BRIP1: variants seen among roughly 807,000 people sequenced by gnomAD.
BRIP1 encodes the protein BRCA1 interacting DNA helicase 1.
A neutral mutation model predicts 119.7 loss-of-function variants in BRIP1; 88 were observed. The ratio of observed to expected loss-of-function variants is 0.74; its 90% CI spans 0.62 to 0.88. The LOEUF is 0.88. Among genes scored for constraint, BRIP1 ranks in the 40% least tolerant of loss-of-function variants. The pLI, the probability that BRIP1 is intolerant of heterozygous loss-of-function variation, is 0.00. For missense variants in BRIP1, 1,259 were observed against 1,455.4 expected (o/e 0.87, Z 2.20); for synonymous variants, 443 against 496.5 (o/e 0.89, Z 1.43).
Position 61,810,726 on chromosome 17 carries a change from C to G in BRIP1, c.628-1969G>C, listed in dbSNP as rs188614149. Among the ~76,000 whole-genome samples, 433 of 152,222 alleles carry G rather than the reference C, an allele frequency of 2.8e-3. 6 individuals are homozygous for G. Among genetic ancestry groups the G allele is most frequent in the Non-Finnish European group, 1.8e-3 (125 of 67,976 alleles). On this transcript the variant is annotated intron_variant, in intron 6 of 19. Coordinates refer to ENST00000259008, the MANE Select transcript of BRIP1 (RefSeq NM_032043.3). The surrounding 1 kb of genome is among the most constrained non-coding windows in gnomAD (Gnocchi z 4.7). ...TACTCCCTTTAATTTCACCTTTTCT[C>G]TTGGTCAAAAAAATTCAAACAATAA...
rs936199548 is a variant in BRIP1 at position 61,758,152 on chromosome 17, G to A, written c.2098-13561C>T. Among the ~76,000 whole-genome samples, 1 of 152,160 alleles carries A rather than the reference G, an allele frequency of 6.6e-6. No homozygotes were observed. Among genetic ancestry groups the A allele is most frequent in the African/African-American group, 2.4e-5 (1 of 41,444 alleles). ...TCTAAAGTAATCATTTAGTTAAAAT[G>A]TATATAATCTGACTTGTTTTGCTTT... On this transcript the variant is annotated intron_variant, in intron 14 of 19. Coordinates refer to ENST00000259008, the MANE Select transcript of BRIP1 (RefSeq NM_032043.3). The surrounding 1 kb of genome is among the most constrained non-coding windows in gnomAD (Gnocchi z 5.3).
In BRIP1 at chr17:61,809,539, A is replaced by C. The variant is rs928836163; in HGVS notation, c.628-782T>G. Among the ~76,000 whole-genome samples, 43 of 152,074 alleles carry C rather than the reference A, an allele frequency of 2.8e-4. No individual in the cohort carries two copies. Among genetic ancestry groups the C allele is most frequent in the Admixed American group, 2.8e-3 (42 of 15,264 alleles). Reference sequence around the variant, plus strand: ...ATCAGGAATATAGTCTACTTAATTTACCTGATTTTTCTCTTCTGTTTCCAA... The same window carrying C: ...ATCAGGAATATAGTCTACTTAATTTCCCTGATTTTTCTCTTCTGTTTCCAA... On this transcript the variant is annotated intron_variant, in intron 6 of 19. Transcript: ENST00000259008. The surrounding 1 kb of genome is among the most constrained non-coding windows in gnomAD (Gnocchi z 5.2).
Position 61,793,492 on chromosome 17 carries a change from T to C in BRIP1, c.1473+105A>G, listed in dbSNP as rs1236031392. On this transcript the variant is annotated intron_variant, in intron 10 of 19. Coordinates refer to ENST00000259008, the MANE Select transcript of BRIP1 (RefSeq NM_032043.3). This position sits in a 1 kb window ranked among gnomAD's most constrained non-coding sequence, Gnocchi z 5.2. ...AAATTTTTAAAAAATTAAATTGCTA[T>C]ATTTAACAATTCTGGGTTACTCACT... is the stretch of plus-strand genomic sequence containing the variant. 1 of 1,040,038 alleles carries C rather than the reference T, an allele frequency of 9.6e-7. No individual in the cohort carries two copies. Among genetic ancestry groups the C allele is most frequent in the Non-Finnish European group, 1.4e-6 (1 of 728,190 alleles). 64.4% of individuals were successfully genotyped at this position (1,040,038 alleles called of 1,614,324 possible).
At chr17:61,821,372 T>A (rs2078321522) in intron 6 of BRIP1, among the ~76,000 whole-genome samples, 1 of 152,094 alleles carries the variant, frequency 6.6e-6, no homozygotes, top group African/African-American at 2.4e-5. Flanking sequence ...TAGCCTCTGA[T>A]CCTTTTGTTA....
rs1337015431 is a variant in BRIP1 at position 61,689,723 on chromosome 17, T to C, written c.2576-3558A>G. Among the ~76,000 whole-genome samples the C allele has an allele frequency of 6.6e-6, 1 of 152,146 alleles. No individual in the cohort carries two copies. On this transcript the variant is annotated intron_variant, in intron 18 of 19. Coordinates refer to ENST00000259008, the MANE Select transcript of BRIP1 (RefSeq NM_032043.3). This position sits in a 1 kb window ranked among gnomAD's most constrained non-coding sequence, Gnocchi z 4.5. Reference sequence around the variant, plus strand: ...ATACAAATGAAGTCCCATAAGACAGTCACTAGGCCGGGCATGAAGGCTCAT... The same window carrying C: ...ATACAAATGAAGTCCCATAAGACAGCCACTAGGCCGGGCATGAAGGCTCAT...
rs1055121416 is a variant in BRIP1, at chr17:61,860,521, G to A, written c.94-614C>T. Among the ~76,000 whole-genome samples, 14 of 152,142 alleles carry A rather than the reference G, an allele frequency of 9.2e-5. No homozygotes were observed. The highest frequency in any genetic ancestry group is 2.7e-4 in the African/African-American group (11 of 41,448). On this transcript the variant is annotated intron_variant, in intron 2 of 19. Coordinates refer to ENST00000259008, the MANE Select transcript of BRIP1 (RefSeq NM_032043.3). The surrounding 1 kb of genome is among the most constrained non-coding windows in gnomAD (Gnocchi z 4.1). The stretch of plus-strand genomic sequence containing the variant: ...CTAAAAATCCAAAAATTAGCTGGGC[G>A]TGGTGGCGCATCCCTGTAATCCCAG...
In BRIP1 at chr17:61,793,806, A is replaced by G. The variant is rs1458414236; in HGVS notation, c.1341-77T>C. The G allele has an allele frequency of 2.1e-6, 3 of 1,445,458 alleles. No individual in the cohort carries two copies. Among genetic ancestry groups the G allele is most frequent in the Non-Finnish European group, 2.8e-6 (3 of 1,057,344 alleles). 89.5% of individuals were successfully genotyped at this position (1,445,458 alleles called of 1,614,324 possible). On this transcript the variant is annotated intron_variant, in intron 9 of 19. Coordinates refer to ENST00000259008, the MANE Select transcript of BRIP1 (RefSeq NM_032043.3). The surrounding 1 kb of genome is among the most constrained non-coding windows in gnomAD (Gnocchi z 5.2). Reference sequence around the variant, plus strand: ...ATTTCAGCAGAACAAGAGAATCATCATTATTGTCATGCGTTGATCTGTATA... The same window carrying G: ...ATTTCAGCAGAACAAGAGAATCATCGTTATTGTCATGCGTTGATCTGTATA...
chr17:61,827,815 C>G lies in BRIP1; in HGVS notation c.628-19058G>C, dbSNP rs2078432601. ...GCAGAAGAAAAGATGCTCAACATCA[C>G]TAATCATTAGGGAAATGCAAATCAA... On this transcript the variant is annotated intron_variant, in intron 6 of 19. Coordinates refer to ENST00000259008, the MANE Select transcript of BRIP1 (RefSeq NM_032043.3). The surrounding 1 kb of genome is among the most constrained non-coding windows in gnomAD (Gnocchi z 5.8). Among the ~76,000 whole-genome samples, 1 of 152,148 alleles carries G rather than the reference C, an allele frequency of 6.6e-6. No homozygotes were observed. The highest frequency in any genetic ancestry group is 2.4e-5 in the African/African-American group (1 of 41,438).
chr17:61,699,823 T>C lies in BRIP1; in HGVS notation c.2493-6311A>G, dbSNP rs1232532341. On this transcript the variant is annotated intron_variant, in intron 17 of 19. Transcript: ENST00000259008. This position sits in a 1 kb window ranked among gnomAD's most constrained non-coding sequence, Gnocchi z 4.8. ...TTCTCCTTTTGAGAGTCTAGTCTTC[T>C]GGAAACTGCTAGGCAGAGGCTGCCT... Among the ~76,000 whole-genome samples, 2 of 152,236 alleles carry C rather than the reference T, an allele frequency of 1.3e-5. No individual in the cohort carries two copies. Among genetic ancestry groups the C allele is most frequent in the African/African-American group, 4.8e-5 (2 of 41,462 alleles).
At chr17:61,731,981 CTT>C (rs71299809) in intron 16 of BRIP1, among the ~76,000 whole-genome samples, 3 of 83,008 alleles carry the variant, frequency 3.6e-5, no homozygotes, top group Non-Finnish European at 6.7e-5. Flanking sequence ...TTCTTTCTTT[CTT>C]TTTTTTTTTT....
chr17:61,829,638 A>G (rs2078460027), intron 6 of BRIP1, among the ~76,000 whole-genome samples: 1 of 152,176 alleles, frequency 6.6e-6, no homozygotes, highest in Admixed American at 6.5e-5. Flanking sequence ...GTCAAATTTA[A>G]AAGAACTGAA....
Position 61,700,757 on chromosome 17 carries a change from C to T in BRIP1, c.2493-7245G>A, listed in dbSNP as rs912026443. Reference sequence around the variant, plus strand: ...TTCTTTCTATTCTTTTTTCTCTCCTCTCCTTCTGGGACTCCAAATATGCAT... The same window carrying T: ...TTCTTTCTATTCTTTTTTCTCTCCTTTCCTTCTGGGACTCCAAATATGCAT... On this transcript the variant is annotated intron_variant, in intron 17 of 19. Coordinates refer to ENST00000259008, the MANE Select transcript of BRIP1 (RefSeq NM_032043.3). This position sits in a 1 kb window ranked among gnomAD's most constrained non-coding sequence, Gnocchi z 4.1. Among the ~76,000 whole-genome samples, 3 of 152,116 alleles carry T rather than the reference C, an allele frequency of 2.0e-5. No individual in the cohort carries two copies. Among genetic ancestry groups the T allele is most frequent in the Non-Finnish European group, 4.4e-5 (3 of 68,012 alleles).
In BRIP1 at chr17:61,859,809, T is replaced by C. The variant is rs2145849875; in HGVS notation, c.192A>G (p.Gln64=). 2 of 1,612,004 alleles carry C rather than the reference T, an allele frequency of 1.2e-6. No individual in the cohort carries two copies. The highest frequency in any genetic ancestry group is 1.7e-6 in the Non-Finnish European group (2 of 1,178,112). ...GCAACTACTTACCACTAAGAGATTGTTGCCATGCTAAAGCAGAACAAAGTA... is the reference window on the plus strand; with the variant it reads ...GCAACTACTTACCACTAAGAGATTGCTGCCATGCTAAAGCAGAACAAAGTA... ...LALLCSALAW[Q]QSLSGKPADE... Residue 64 remains glutamine, a synonymous_variant, in exon 3 of 20, where the codon CAA becomes CAG. Transcript: ENST00000259008.
chr17:61,810,704 T>TCCCTTTAATTTCA lies in BRIP1; in HGVS notation c.628-1960_628-1948dup, dbSNP rs562021347. On this transcript the variant is annotated intron_variant, in intron 6 of 19. Transcript: ENST00000259008. This position sits in a 1 kb window ranked among gnomAD's most constrained non-coding sequence, Gnocchi z 4.7. ...TTCCACTTAAAGCTTTACCATCTAC[T>TCCCTTTAATTTCA]CCCTTTAATTTCACCTTTTCTCTTG... 8.5e-5 allele frequency among the ~76,000 whole-genome samples: 13 copies of TCCCTTTAATTTCA among 152,252 alleles called. No homozygotes were observed. The South Asian group carries it at 2.7e-3, about 32-fold the overall frequency.
intron 16 of BRIP1, among the ~76,000 whole-genome samples, chr17:61,718,293 A>G (rs1186456821): frequency 6.6e-6 from 1 of 152,202 alleles, no homozygotes; most frequent in Non-Finnish European, 1.5e-5. Context: ...CAGCTTTGTT[A>G]GGGAAAGTCA....
chr17:61,853,155 CTA>C lies in BRIP1; in HGVS notation c.379+3901_380-3900del, dbSNP rs2078846191. On this transcript the variant is annotated intron_variant, in intron 4 of 19. Transcript: ENST00000259008. The surrounding 1 kb of genome is among the most constrained non-coding windows in gnomAD (Gnocchi z 4.3). Reference sequence around the variant, plus strand: ...TAATACACAGAAACAAGAAGTACTACTATATGCAACAGCATGAATGAATCTCA... The same window carrying C: ...TAATACACAGAAACAAGAAGTACTACTATGCAACAGCATGAATGAATCTCA... Among the ~76,000 whole-genome samples, 1 of 151,924 alleles carries C rather than the reference CTA, an allele frequency of 6.6e-6. No individual in the cohort carries two copies. Among genetic ancestry groups the C allele is most frequent in the Non-Finnish European group, 1.5e-5 (1 of 67,998 alleles).
In BRIP1 at chr17:61,717,071, T is replaced by G. The variant is rs1185063483; in HGVS notation, c.2380-1008A>C. The stretch of plus-strand genomic sequence containing the variant: ...CTTTAAACAGTACATTATCTTTTAA[T>G]TTTAAATAAGTTTATAATTTTGAAA... On this transcript the variant is annotated intron_variant, in intron 16 of 19. Transcript: ENST00000259008. The surrounding 1 kb of genome is among the most constrained non-coding windows in gnomAD (Gnocchi z 4.1). Among the ~76,000 whole-genome samples, 4 of 152,090 alleles carry G rather than the reference T, an allele frequency of 2.6e-5. No individual in the cohort carries two copies. Among genetic ancestry groups the G allele is most frequent in the African/African-American group, 9.7e-5 (4 of 41,434 alleles).
rs942464995 is a variant in BRIP1 at position 61,823,757 on chromosome 17, A to C, written c.628-15000T>G. 2.3e-5 allele frequency among the ~76,000 whole-genome samples: 3 copies of C among 131,672 alleles called. No individual in the cohort carries two copies. The highest frequency in any genetic ancestry group is 7.9e-5 in the African/African-American group (3 of 37,740). The allele number at this position is 131,672 out of a possible 152,430, so 86.4% of individuals were successfully genotyped here. On this transcript the variant is annotated intron_variant, in intron 6 of 19. Coordinates refer to ENST00000259008, the MANE Select transcript of BRIP1 (RefSeq NM_032043.3). The surrounding 1 kb of genome is among the most constrained non-coding windows in gnomAD (Gnocchi z 4.8). ...GCTCAATGACCCCAAGCACACAATA[A>C]ACACACACACACACACACACACACA...
rs2078334145 is a variant in BRIP1, at chr17:61,822,061, G to A, written c.628-13304C>T. Among the ~76,000 whole-genome samples the A allele has an allele frequency of 6.6e-6, 1 of 152,082 alleles. No individual in the cohort carries two copies. The highest frequency in any genetic ancestry group is 2.4e-5 in the African/African-American group (1 of 41,420). ...CCACCAGTAAAAGAACTAAATGACA[G>A]AAGACATAATAAAAACCTCGTGTGA... On this transcript the variant is annotated intron_variant, in intron 6 of 19. Transcript: ENST00000259008. This position sits in a 1 kb window ranked among gnomAD's most constrained non-coding sequence, Gnocchi z 4.4.
Sources: gnomAD v4.1 joint callset for allele counts (sites outside exome capture counted in the v4.1 genomes callset) on GRCh38, gnomAD v4.1.1 for gene constraint, Gnocchi (gnomAD v3.1) non-coding constraint, MANE v1.5 for transcripts, NCBI Gene and HGNC (gene_info 2026-07-23, HGNC 2026-07-21) for gene names.